ZNF207: variants seen among roughly 807,000 people sequenced by gnomAD.
ZNF207 encodes zinc finger protein 207.
A neutral mutation model predicts 60.2 loss-of-function variants in ZNF207; 24 were observed. That is an observed-to-expected ratio of 0.40 (90% CI 0.29 to 0.56). The LOEUF (loss-of-function observed/expected upper bound fraction) is 0.56, where lower values mean the gene tolerates loss of function less well. ZNF207 is among the 20% of genes least tolerant of loss of function. The pLI, the probability that ZNF207 is intolerant of heterozygous loss-of-function variation, is 0.49. For synonymous variants in ZNF207, 236 were observed against 194.7 expected (o/e 1.21, Z -1.77); for missense variants, 452 against 636.6 (o/e 0.71, Z 3.12).
rs995675030 is a variant in ZNF207 at position 32,372,749 on chromosome 17, T to A, written c.*2990T>A. The A allele has an allele frequency of 6.6e-6, 1 of 152,226 alleles. No individual in the cohort carries two copies. The highest frequency in any genetic ancestry group is 2.4e-5 in the African/African-American group (1 of 41,464). 9.4% of individuals were successfully genotyped at this position (152,226 alleles called of 1,614,324 possible). ...TGGGGTCCATAGTGTGGTTGAATTA[T>A]GAGTGGAGCAAATTATATTCATATA... is the stretch of plus-strand genomic sequence containing the variant. On this transcript the variant is annotated 3_prime_UTR_variant, in exon 12 of 12. Coordinates refer to ENST00000394670, the MANE Select transcript of ZNF207 (RefSeq NM_001098507.2).
rs1905890695 is a variant in ZNF207 at position 32,381,601 on chromosome 17, A to T, written c.*11842A>T. On this transcript the variant is annotated 3_prime_UTR_variant, in exon 12 of 12. Coordinates refer to ENST00000394670, the MANE Select transcript of ZNF207 (RefSeq NM_001098507.2). Reference sequence around the variant, plus strand: ...ATGTTCCTTAACATGTAGCCATGTAATTAGAACTCACAAGGGGCATTGAAA... The same window carrying T: ...ATGTTCCTTAACATGTAGCCATGTATTTAGAACTCACAAGGGGCATTGAAA... 1 of 152,212 alleles carries T rather than the reference A, an allele frequency of 6.6e-6. No homozygotes were observed. Among genetic ancestry groups the T allele is most frequent in the African/African-American group, 2.4e-5 (1 of 41,458 alleles). The allele number at this position is 152,212 out of a possible 1,614,324, so 9.4% of individuals were successfully genotyped here. A position where few individuals can be genotyped will look rare whatever the true frequency, so the allele number is the denominator to read the frequency against.
At position 32,379,443 on chromosome 17, in the gene ZNF207, A is replaced by G. The variant is rs1429653016; in HGVS notation, c.*9684A>G. On this transcript the variant is annotated 3_prime_UTR_variant, in exon 12 of 12. Transcript: ENST00000394670. ...ATAAATACAAAAACTTTGAACACAT[A>G]AATTATTTCATTTTGGTGAGATGGA... 2 of 152,256 alleles carry G rather than the reference A, an allele frequency of 1.3e-5. No homozygotes were observed. The highest frequency in any genetic ancestry group is 6.5e-5 in the Admixed American group (1 of 15,292). The allele number at this position is 152,256 out of a possible 1,614,324, so 9.4% of individuals were successfully genotyped here.
In ZNF207 at chr17:32,369,293, A is replaced by G; in HGVS notation, c.1165-2A>G. On this transcript the variant is annotated splice_acceptor_variant, in intron 10 of 11. Transcript: ENST00000394670. LOFTEE classifies it high-confidence loss of function. Reference sequence around the variant, plus strand: ...TAGCCCTGCGCTTATTTTTATTCCCAGGAAGAGAGAAGGGCACAGTTACCT... The same window carrying G: ...TAGCCCTGCGCTTATTTTTATTCCCGGGAAGAGAGAAGGGCACAGTTACCT... The G allele has an allele frequency of 6.2e-7, 1 of 1,613,660 alleles. No homozygotes were observed. Among genetic ancestry groups the G allele is most frequent in the Non-Finnish European group, 8.5e-7 (1 of 1,179,788 alleles).
chr17:32,359,379 G>A (rs1904729276), intron 3 of ZNF207, among the ~76,000 whole-genome samples: 1 of 151,946 alleles, frequency 6.6e-6, no homozygotes, highest in Non-Finnish European at 1.5e-5. Context: ...CCAAAGTGCT[G>A]GGATTACAGA....
At chr17:32,364,190 A>T (rs1167706464) in intron 7 of ZNF207, among the ~76,000 whole-genome samples, 3 of 151,324 alleles carry the variant, frequency 2.0e-5, no homozygotes, top group Admixed American at 6.6e-5. Flanking sequence ...TCTATTTGGA[A>T]CCAAAATAAC....
chr17:32,355,830 A>G (rs1481902339), intron 2 of ZNF207, among the ~76,000 whole-genome samples: 2 of 152,220 alleles, frequency 1.3e-5, no homozygotes, highest in African/African-American at 4.8e-5. Flanking sequence ...ATGCTGGTTC[A>G]GTAAGAGTAC....
rs1905846647 is a variant in ZNF207, at chr17:32,380,674, AG to A, written c.*10916del. 6.6e-6 allele frequency: 1 copy of A among 152,234 alleles called. No homozygotes were observed. Among genetic ancestry groups the A allele is most frequent in the African/African-American group, 2.4e-5 (1 of 41,462 alleles). The allele number at this position is 152,234 out of a possible 1,614,324, so 9.4% of individuals were successfully genotyped here. A position where few individuals can be genotyped will look rare whatever the true frequency, so the allele number is the denominator to read the frequency against. The stretch of plus-strand genomic sequence containing the variant: ...GGTATTAACCCAATACTTGATTTGC[AG>A]TTTTTAAAGCAGTTTTTAAATTGAG... On this transcript the variant is annotated 3_prime_UTR_variant, in exon 12 of 12. Transcript: ENST00000394670.
chr17:32,365,718 G>T, intron 8 of ZNF207: 1 of 213,402 alleles, frequency 4.7e-6, no homozygotes, highest in Non-Finnish European at 8.7e-6. Context: ...TTTCATAGCT[G>T]TGAACCCTAT....
intron 2 of ZNF207, among the ~76,000 whole-genome samples, chr17:32,354,203 A>C (rs1567812733): frequency 6.6e-6 from 1 of 152,084 alleles, no homozygotes; most frequent in Non-Finnish European, 1.5e-5. Context: ...TGGTCGCCCA[A>C]CTCCCAGGAT....
chr17:32,371,757 C>G lies in ZNF207; in HGVS notation c.*1998C>G, dbSNP rs911998880. On this transcript the variant is annotated 3_prime_UTR_variant, in exon 12 of 12. Coordinates refer to ENST00000394670, the MANE Select transcript of ZNF207 (RefSeq NM_001098507.2). ...AAAATAAATTAAAATATCTGATTAT[C>G]TGGCTTCAATGATTTTGGCTCCTGT... 2 of 152,180 alleles carry G rather than the reference C, an allele frequency of 1.3e-5. No individual in the cohort carries two copies. Among genetic ancestry groups the G allele is most frequent in the Non-Finnish European group, 2.9e-5 (2 of 68,036 alleles). The allele number at this position is 152,180 out of a possible 1,614,324, so 9.4% of individuals were successfully genotyped here.
At chr17:32,369,538 G>C in intron 11 of ZNF207, 61 bp from the exon 12 acceptor site, 1 of 1,589,806 alleles carries the variant, frequency 6.3e-7, no homozygotes, top group Non-Finnish European at 8.6e-7. Flanking sequence ...AGCATACGTT[G>C]CACTTAAAAG....
chr17:32,357,338 TA>T (rs1338785019), intron 2 of ZNF207, among the ~76,000 whole-genome samples: 4,727 of 94,590 alleles, frequency 0.05, 264 homozygotes, highest in African/African-American at 0.12. Context: ...TTATTATTAT[TA>T]TTATTATTAT....
intron 3 of ZNF207, 43 bp downstream of exon 3, chr17:32,358,684 T>A (rs748496178): frequency 1.2e-4 from 158 of 1,342,892 alleles, no homozygotes; most frequent in Admixed American, 1.8e-4. Flanking sequence ...TTATTTTTTT[T>A]AATTTTTTTT....
intron 2 of ZNF207, among the ~76,000 whole-genome samples, chr17:32,353,694 C>T (rs886606189): frequency 7.7e-5 from 6 of 78,074 alleles, no homozygotes; most frequent in East Asian, 1.1e-3. Flanking sequence ...GGGCTGGGGG[C>T]GGGGGGCGCG....
chr17:32,366,912 T>C (rs1313282160), intron 9 of ZNF207, among the ~76,000 whole-genome samples, 155 bp downstream of exon 9: 2 of 152,108 alleles, frequency 1.3e-5, no homozygotes, highest in Non-Finnish European at 2.9e-5. Flanking sequence ...ATTTAAAAAT[T>C]TGAATTCATA....
chr17:32,364,807 C>T (rs927932138), intron 7 of ZNF207, among the ~76,000 whole-genome samples: 6 of 152,128 alleles, frequency 3.9e-5, no homozygotes, highest in African/African-American at 1.4e-4. Flanking sequence ...TGTTGTGGTA[C>T]ATATTTAGGT....
At chr17:32,363,016 T>C in intron 7 of ZNF207, 32 bp downstream of exon 7, 2 of 1,580,808 alleles carry the variant, frequency 1.3e-6, no homozygotes, top group South Asian at 2.3e-5. Flanking sequence ...TTTAATATGA[T>C]GTACAGGCTT....
chr17:32,365,585 T>A (rs1905122739), intron 8 of ZNF207, 98 bp downstream of exon 8: 1 of 1,136,078 alleles, frequency 8.8e-7, no homozygotes, highest in African/African-American at 1.7e-5. Flanking sequence ...AATTTTTTTG[T>A]TTATAATATT....
rs1414490670 is a variant in ZNF207 at position 32,374,330 on chromosome 17, G to C, written c.*4571G>C. The C allele has an allele frequency of 7.1e-6, 1 of 141,480 alleles. No homozygotes were observed. Among genetic ancestry groups the C allele is most frequent in the Non-Finnish European group, 1.5e-5 (1 of 66,998 alleles). The allele number at this position is 141,480 out of a possible 1,614,324, so 8.8% of individuals were successfully genotyped here. A position where few individuals can be genotyped will look rare whatever the true frequency, so the allele number is the denominator to read the frequency against. ...CCTCCTGGATTCAAGCGATTCTCCT[G>C]TCTCAGCCTCCCGAGTAGCTGGGAC... On this transcript the variant is annotated 3_prime_UTR_variant, in exon 12 of 12. Transcript: ENST00000394670.
Sources: gnomAD v4.1 joint callset for allele counts (sites outside exome capture counted in the v4.1 genomes callset) on GRCh38, gnomAD v4.1.1 for gene constraint, MANE v1.5 for transcripts, NCBI Gene and HGNC (gene_info 2026-07-23, HGNC 2026-07-21) for gene names.